Variants in CROCC observed in about 807,000 individuals in gnomAD.
CROCC encodes ciliary rootlet coiled-coil, rootletin, also known as rootletin.
Under a neutral mutation model 245.2 loss-of-function variants are expected in CROCC, and 180 were observed. The ratio of observed to expected loss-of-function variants is 0.73; its 90% CI spans 0.65 to 0.83. CROCC has a LOEUF of 0.83. CROCC is among the 40% of genes least tolerant of loss of function. CROCC has a pLI of 0.00. For synonymous variants in CROCC, 1,205 were observed against 1,241.6 expected (o/e 0.97, Z 0.62); for missense variants, 2,688 against 2,779.4 (o/e 0.97, Z 0.74).
rs562545851 is a variant in CROCC, at chr1:16,924,774, G to A, written c.351+295G>A. 2.6e-4 allele frequency among the ~76,000 whole-genome samples: 40 copies of A among 152,382 alleles called. No individual in the cohort carries two copies. In the East Asian group the frequency reaches 6.4e-3, roughly 24 times the overall value. On this transcript the variant is annotated intron_variant, in intron 3 of 36. Coordinates refer to ENST00000375541, the MANE Select transcript of CROCC (RefSeq NM_014675.5). Reference sequence around the variant, plus strand: ...TTCCCATCTGTCCCAGGCCTGTTAGGGGTGTGGGACACGGAGAATGAGATC... The same window carrying A: ...TTCCCATCTGTCCCAGGCCTGTTAGAGGTGTGGGACACGGAGAATGAGATC...
intron 32 of CROCC, 97 bp from the exon 33 acceptor site, chr1:16,969,688 C>T: frequency 6.7e-7 from 1 of 1,490,388 alleles, no homozygotes; most frequent in Non-Finnish European, 8.9e-7. Flanking sequence ...AGATGACTGC[C>T]TGTTTTATGC....
At chr1:16,919,219 A>G (rs1388497069), upstream of CROCC, among the ~76,000 whole-genome samples, 1 of 152,290 alleles carries the variant, frequency 6.6e-6, no homozygotes, top group Non-Finnish European at 1.5e-5. Context: ...TGACCTGGAT[A>G]CAGAAGTAGA....
At chr1:16,968,890 T>C (rs955234515) in intron 31 of CROCC, 4 of 625,020 alleles carry the variant, frequency 6.4e-6, no homozygotes, top group African/African-American at 1.9e-5. Context: ...GACAACTAGG[T>C]TGATGGCACT....
intron 17 of CROCC, 139 bp downstream of exon 17, chr1:16,947,130 C>G (rs1175234280): frequency 4.7e-6 from 4 of 845,726 alleles, no homozygotes; most frequent in Admixed American, 5.6e-5. Context: ...CTTCTGCTAG[C>G]TGGGGACCTT....
At chr1:16,933,611 G>T (rs1401597683) in intron 8 of CROCC, among the ~76,000 whole-genome samples, 2 of 152,150 alleles carry the variant, frequency 1.3e-5, no homozygotes, top group African/African-American at 4.8e-5. Flanking sequence ...TTGTTGCCCA[G>T]GCTGGAGTGA....
upstream of CROCC, among the ~76,000 whole-genome samples, chr1:16,918,799 C>T (rs1438006277): frequency 3.4e-5 from 5 of 148,420 alleles, no homozygotes; most frequent in African/African-American, 1.2e-4. Flanking sequence ...TACAGTGGTG[C>T]GATCTCAGCT....
rs551978369 is a variant in CROCC at position 16,938,327 on chromosome 1, G to T, written c.1291-73G>T. 9 of 1,399,598 alleles carry T rather than the reference G, an allele frequency of 6.4e-6. No individual in the cohort carries two copies. The East Asian group carries it at 2.2e-4, about 35-fold the overall frequency. The allele number at this position is 1,399,598 out of a possible 1,614,324, so 86.7% of individuals were successfully genotyped here. ...GGCCACCTGGTCAGTGGTGGGCCAG[G>T]TAGGGAGGGAAAGGGGAGGTTTCAG... On this transcript the variant is annotated intron_variant, in intron 10 of 36. Transcript: ENST00000375541.
Position 16,948,903 on chromosome 1 carries a change from T to C in CROCC, c.2813T>C (p.Leu938Pro). The change falls in exon 19 of 37, where the codon CTG becomes CCG. Residue 938 changes from leucine to proline, a missense_variant. Physicochemically the swap from Leu to Pro is moderately conservative, Grantham distance 98. This residue lies in a region of CROCC where 20 missense variants were observed against 55.4 expected (regional missense o/e 0.36). Coordinates refer to ENST00000375541, the MANE Select transcript of CROCC (RefSeq NM_014675.5). ...EQLEAEGQAL[L>P]LAKETLTGEL... Reference sequence around the variant, plus strand: ...CTGGAAGCCGAGGGGCAGGCCCTGCTGCTGGCCAAGGAGACCCTGACTGGT... The same window carrying C: ...CTGGAAGCCGAGGGGCAGGCCCTGCCGCTGGCCAAGGAGACCCTGACTGGT... 6.2e-7 allele frequency: 1 copy of C among 1,611,544 alleles called. No individual in the cohort carries two copies. The highest frequency in any genetic ancestry group is 8.5e-7 in the Non-Finnish European group (1 of 1,179,950).
intron 5 of CROCC, 28 bp downstream of exon 5, chr1:16,930,235 G>T: frequency 6.3e-7 from 1 of 1,586,598 alleles, no homozygotes; most frequent in East Asian, 2.3e-5. Flanking sequence ...GCAGGGGCAG[G>T]CCCTGCCCTC....
chr1:16,969,858 A>G lies in CROCC; in HGVS notation c.5375A>G (p.Gln1792Arg), dbSNP rs778785334. 5 of 1,612,676 alleles carry G rather than the reference A, an allele frequency of 3.1e-6. No homozygotes were observed. The highest frequency in any genetic ancestry group is 1.1e-5 in the South Asian group (1 of 90,880). ...AGCAGCTCCCTGGGCGAGCAGGTGC[A>G]GACGTTGCGAGGCGAGGTGGCTGAC... ...KQSSSLGEQV[Q>R]TLRGEVADLE... Residue 1792 changes from glutamine (Q) to arginine (R), a missense_variant, in exon 33 of 37, where the codon CAG becomes CGG. By Grantham distance (43) the Gln-to-Arg change is conservative (BLOSUM62 1). This residue lies in a region of CROCC where 1,218 missense variants were observed against 1,286.3 expected (regional missense o/e 0.95). Transcript: ENST00000375541.
Position 16,951,136 on chromosome 1 carries a change from G to C in CROCC, c.3006+14G>C, listed in dbSNP as rs2076153401. The C allele has an allele frequency of 6.7e-7, 1 of 1,491,290 alleles. No homozygotes were observed. Among genetic ancestry groups the C allele is most frequent in the African/African-American group, 1.4e-5 (1 of 71,192 alleles). 92.4% of individuals were successfully genotyped at this position (1,491,290 alleles called of 1,614,324 possible). The stretch of plus-strand genomic sequence containing the variant: ...CAGCGTGAAAAGGTTCAGGCAGCTG[G>C]GGAGGGGTGGGCAGGACTCTGAGCC... On this transcript the variant is annotated intron_variant, in intron 20 of 36. Coordinates refer to ENST00000375541, the MANE Select transcript of CROCC (RefSeq NM_014675.5).
In CROCC at chr1:16,947,615, G is replaced by A. The variant is rs557862749; in HGVS notation, c.2514+624G>A. ...AGGGATCCAGGGACCTTCATGCAAG[G>A]TCTATCCTGGAGCGCCTAGGTTTCT... On this transcript the variant is annotated intron_variant, in intron 17 of 36. Coordinates refer to ENST00000375541, the MANE Select transcript of CROCC (RefSeq NM_014675.5). Among the ~76,000 whole-genome samples, 49 of 152,350 alleles carry A rather than the reference G, an allele frequency of 3.2e-4. No homozygotes were observed. In the South Asian group the frequency reaches 9.9e-3, roughly 31 times the overall value.
chr1:16,970,137 T>TG (rs1268039308), intron 33 of CROCC, 116 bp from the exon 34 acceptor site: 3 of 1,231,578 alleles, frequency 2.4e-6, no homozygotes, highest in Non-Finnish European at 3.3e-6. Flanking sequence ...GACAATTCTC[T>TG]GATGTGGGCC....
intron 2 of CROCC, among the ~76,000 whole-genome samples, chr1:16,923,624 G>C (rs2075459880): frequency 6.6e-6 from 1 of 150,936 alleles, no homozygotes; most frequent in Non-Finnish European, 1.5e-5. Flanking sequence ...CCCTTCTCTT[G>C]AGCGAGGCTT....
intron 26 of CROCC, 58 bp downstream of exon 26, chr1:16,958,808 G>T: frequency 1.3e-6 from 2 of 1,525,050 alleles, no homozygotes; most frequent in East Asian, 2.5e-5. Flanking sequence ...GGAAGCAGGT[G>T]GGCACCCCAA....
chr1:16,956,296 T>A (rs1557629937), intron 25 of CROCC, 140 bp downstream of exon 25: 9 of 878,442 alleles, frequency 1.0e-5, no homozygotes, highest in Non-Finnish European at 1.5e-5. Flanking sequence ...CTAACCTTGG[T>A]GTGAATGGAT....
At chr1:16,928,558 C>T (rs532850553) in intron 3 of CROCC, among the ~76,000 whole-genome samples, 1 of 152,160 alleles carries the variant, frequency 6.6e-6, no homozygotes, top group Non-Finnish European at 1.5e-5. Flanking sequence ...AATCCCAGCA[C>T]TTTGGGAGGC....
Position 16,946,893 on chromosome 1 carries a change from G to A in CROCC, c.2416G>A (p.Gly806Ser). The A allele has an allele frequency of 6.4e-7, 1 of 1,564,694 alleles. No individual in the cohort carries two copies. The highest frequency in any genetic ancestry group is 8.7e-7 in the Non-Finnish European group (1 of 1,154,938). The change falls in exon 17 of 37, where the codon GGC becomes AGC. Residue 806 changes from glycine (G) to serine (S), a missense_variant. By Grantham distance (56) the Gly-to-Ser change is moderately conservative (BLOSUM62 0). Around this residue, in one of 9 missense-constraint regions of CROCC, gnomAD observed 295 missense variants for 241.7 expected, o/e 1.22. Transcript: ENST00000375541. ...GGAGGTGGCGCGGCAGGGCCTGGAG[G>A]GCTCCCTACGAGTGGCGGAGCAGGC... ...EQEVARQGLE[G>S]SLRVAEQAQE...
At chr1:16,927,345 G>A (rs2075556977) in intron 3 of CROCC, among the ~76,000 whole-genome samples, 1 of 152,230 alleles carries the variant, frequency 6.6e-6, no homozygotes, top group African/African-American at 2.4e-5. Context: ...GACAGGAAAA[G>A]CATACAGTTC....
Sources: allele counts gnomAD v4.1 joint callset (sites outside exome capture counted in the v4.1 genomes callset), GRCh38; gene constraint gnomAD v4.1.1; regional missense constraint gnomAD v4.1.1; transcripts MANE v1.5; gene names NCBI Gene and HGNC (gene_info 2026-07-23, HGNC 2026-07-21).